Variants in CLDN6 observed in about 807,000 individuals in gnomAD.
CLDN6 encodes the protein claudin-6.
For synonymous variants in CLDN6, 144 were observed against 131.2 expected, an observed-to-expected ratio of 1.10 and a Z score of -0.67; for missense variants, 279 against 284.1, an observed-to-expected ratio of 0.98 and a Z score of 0.13.
rs1434074708 is a variant in CLDN6 at position 3,015,821 on chromosome 16, G to T, written c.201C>A (p.Tyr67Ter). 1 of 1,614,014 alleles carries T rather than the reference G, an allele frequency of 6.2e-7. No homozygotes were observed. The highest frequency in any genetic ancestry group is 8.5e-7 in the Non-Finnish European group (1 of 1,180,048). Residue 67 changes from tyrosine to a stop codon, truncating the protein, a stop_gained, in exon 2 of 2, where the codon TAC becomes TAA. Coordinates refer to ENST00000328796, the MANE Select transcript of CLDN6 (RefSeq NM_021195.5). LOFTEE classifies it low-confidence loss of function (END_TRUNC). ...QSTGQMQCKV[Y>*]DSLLALPQDL... ...CCTGTGGCAGCGCCAGCAGTGAGTC[G>T]TACACCTTGCACTGCATCTGGCCGG...
intron 1 of CLDN6, among the ~76,000 whole-genome samples, chr16:3,016,939 C>G (rs577018032): frequency 5.9e-5 from 9 of 152,080 alleles, no homozygotes; most frequent in Non-Finnish European, 8.8e-5. Context: ...TGAGCCACCA[C>G]ACCTGGTCTT....
chr16:3,015,405 G>C lies in CLDN6; in HGVS notation c.617C>G (p.Ala206Gly), dbSNP rs768615835. 25 of 1,531,264 alleles carry C rather than the reference G, an allele frequency of 1.6e-5. No individual in the cohort carries two copies. The highest frequency in any genetic ancestry group is 2.2e-5 in the Non-Finnish European group (25 of 1,142,064). 94.9% of individuals were successfully genotyped at this position (1,531,264 alleles called of 1,614,324 possible). ...YMARYSTSAP[A>G]ISRGPSEYPT... ...GTACTCAGAGGGCCCCCGAGAGATG[G>C]CAGGGGCAGATGTTGAGTAGCGGGC... Residue 206 changes from alanine to glycine, a missense_variant, in exon 2 of 2, where the codon GCC becomes GGC. Coordinates refer to ENST00000328796, the MANE Select transcript of CLDN6 (RefSeq NM_021195.5).
intron 1 of CLDN6, among the ~76,000 whole-genome samples, chr16:3,016,787 A>G (rs1048428727): frequency 2.6e-5 from 4 of 151,908 alleles, no homozygotes; most frequent in African/African-American, 9.7e-5. Flanking sequence ...AGCTGGGACT[A>G]CAGGCGCTCA....
intron 1 of CLDN6, among the ~76,000 whole-genome samples, chr16:3,016,345 G>A (rs1240251873): frequency 6.6e-6 from 1 of 152,242 alleles, no homozygotes; most frequent in Non-Finnish European, 1.5e-5. Context: ...TACAATGACA[G>A]TCCAAGGCCA....
intron 1 of CLDN6, among the ~76,000 whole-genome samples, chr16:3,016,623 G>A (rs981079298): frequency 1.3e-5 from 2 of 151,238 alleles, no homozygotes; most frequent in African/African-American, 2.4e-5. Flanking sequence ...TGGGATTACA[G>A]GTGCACACCA....
In CLDN6 at chr16:3,015,392, C is replaced by T; in HGVS notation, c.630G>A (p.Gly210=). The change falls in exon 2 of 2, where the codon GGG becomes GGA. Residue 210 remains glycine (G), a synonymous_variant. Transcript: ENST00000328796. ...AATTCTTGGTAGGGTACTCAGAGGG[C>T]CCCCGAGAGATGGCAGGGGCAGATG... ...YSTSAPAISR[G]PSEYPTKNYV The T allele has an allele frequency of 6.5e-7, 1 of 1,527,662 alleles. No individual in the cohort carries two copies. Among genetic ancestry groups the T allele is most frequent in the Non-Finnish European group, 8.8e-7 (1 of 1,140,532 alleles). The allele number at this position is 1,527,662 out of a possible 1,614,324, so 94.6% of individuals were successfully genotyped here. A position where few individuals can be genotyped will look rare whatever the true frequency, so the allele number is the denominator to read the frequency against.
intron 1 of CLDN6, 143 bp from the exon 2 acceptor site, chr16:3,016,185 C>T (rs1371371557): frequency 4.2e-6 from 3 of 717,112 alleles, no homozygotes; most frequent in South Asian, 1.9e-5. Flanking sequence ...CCCTGAGCCT[C>T]ACTTCTCGTG....
chr16:3,017,743 G>A (rs73483528), intron 1 of CLDN6, among the ~76,000 whole-genome samples: 6,132 of 151,954 alleles, frequency 0.04, 368 homozygotes, highest in African/African-American at 0.13. Flanking sequence ...TGCACTGCAT[G>A]AAAAAGACTC....
intron 1 of CLDN6, among the ~76,000 whole-genome samples, chr16:3,016,739 C>T (rs992905136): frequency 1.3e-5 from 2 of 151,880 alleles, no homozygotes; most frequent in African/African-American, 4.8e-5. Context: ...GTTCTGCCTC[C>T]CCGGTTCACG....
chr16:3,016,240 G>A (rs1054959268), intron 1 of CLDN6, among the ~76,000 whole-genome samples, 198 bp from the exon 2 acceptor site: 2 of 152,218 alleles, frequency 1.3e-5, no homozygotes, highest in Non-Finnish European at 2.9e-5. Context: ...ATTCTTTCTA[G>A]TTATGTGACA....
In CLDN6 at chr16:3,014,907, T is replaced by G; in HGVS notation, c.*452A>C. On this transcript the variant is annotated 3_prime_UTR_variant, in exon 2 of 2. Coordinates refer to ENST00000328796, the MANE Select transcript of CLDN6 (RefSeq NM_021195.5). ...AGTTCCGGAGGTGGGCAGTCCTTTG[T>G]TAACAGATCATTTGTTTTTCCAGGG... The G allele has an allele frequency of 7.7e-6, 3 of 387,222 alleles. No homozygotes were observed. The highest frequency in any genetic ancestry group is 1.4e-5 in the Non-Finnish European group (3 of 219,800). The allele number at this position is 387,222 out of a possible 1,614,324, so 24.0% of individuals were successfully genotyped here.
Position 3,015,377 on chromosome 16 carries a change from AGG to A in CLDN6, c.643_644del (p.Pro215TyrfsTer46). 1 of 1,522,314 alleles carries A rather than the reference AGG, an allele frequency of 6.6e-7. No individual in the cohort carries two copies. The highest frequency in any genetic ancestry group is 2.3e-5 in the East Asian group (1 of 44,172). 94.3% of individuals were successfully genotyped at this position (1,522,314 alleles called of 1,614,324 possible). A position where few individuals can be genotyped will look rare whatever the true frequency, so the allele number is the denominator to read the frequency against. On this transcript the variant is annotated frameshift_variant, in exon 2 of 2. Transcript: ENST00000328796. LOFTEE classifies it high-confidence loss of function. ...PAISRGPSEY[P>X]TKNYV ...CTCCACGTCAGACGTAATTCTTGGT[AGG>A]GTACTCAGAGGGCCCCCGAGAGATG... is the stretch of plus-strand genomic sequence containing the variant.
chr16:3,015,232 A>G lies in CLDN6; in HGVS notation c.*127T>C. The G allele has an allele frequency of 1.2e-6, 1 of 805,086 alleles. No individual in the cohort carries two copies. The highest frequency in any genetic ancestry group is 1.9e-6 in the Non-Finnish European group (1 of 525,930). 49.9% of individuals were successfully genotyped at this position (805,086 alleles called of 1,614,324 possible). On this transcript the variant is annotated 3_prime_UTR_variant, in exon 2 of 2. Coordinates refer to ENST00000328796, the MANE Select transcript of CLDN6 (RefSeq NM_021195.5). ...TTGGCTCAGTTTTCAAATGAATTTT[A>G]AATATCCTCAGTCAAAAGAAAAATA... is the stretch of plus-strand genomic sequence containing the variant.
rs2072560026 is a variant in CLDN6, at chr16:3,015,523, C to T, written c.499G>A (p.Gly167Ser). 1 of 1,612,788 alleles carries T rather than the reference C, an allele frequency of 6.2e-7. No homozygotes were observed. The highest frequency in any genetic ancestry group is 8.5e-7 in the Non-Finnish European group (1 of 1,179,802). The part of the protein sequence containing the change: ...KRELGASLYL[G>S]WAASGLLLLG... Reference sequence around the variant, plus strand: ...AACAAAAGGCCTGAGGCCGCCCAGCCCAAGTAGAGGGAGGCCCCCAGCTCC... The same window carrying T: ...AACAAAAGGCCTGAGGCCGCCCAGCTCAAGTAGAGGGAGGCCCCCAGCTCC... Residue 167 changes from glycine (G) to serine (S), a missense_variant, in exon 2 of 2, where the codon GGC (glycine) becomes AGC (serine). Transcript: ENST00000328796.
In CLDN6 at chr16:3,015,916, T is replaced by C; in HGVS notation, c.106A>G (p.Ile36Val). The C allele has an allele frequency of 6.2e-7, 1 of 1,614,246 alleles. No homozygotes were observed. Among genetic ancestry groups the C allele is most frequent in the Non-Finnish European group, 8.5e-7 (1 of 1,180,040 alleles). Residue 36 changes from isoleucine to valine, a missense_variant, in exon 2 of 2, where the codon ATC becomes GTC. By Grantham distance (29) the Ile-to-Val change is conservative (BLOSUM62 3). Coordinates refer to ENST00000328796, the MANE Select transcript of CLDN6 (RefSeq NM_021195.5). ...TGGGCCACCACGATGCTGTTGCCGA[T>C]GAAAGCGGTCACCTTCCACATGGGC... is the stretch of plus-strand genomic sequence containing the variant. ...ALPMWKVTAFIGNSIVVAQVV... is the reference protein window; with the variant it reads ...ALPMWKVTAFVGNSIVVAQVV...
chr16:3,015,146 T>C lies in CLDN6; in HGVS notation c.*213A>G. The C allele has an allele frequency of 6.5e-6, 3 of 463,472 alleles. No individual in the cohort carries two copies. The highest frequency in any genetic ancestry group is 1.1e-5 in the Non-Finnish European group (3 of 265,858). 28.7% of individuals were successfully genotyped at this position (463,472 alleles called of 1,614,324 possible). A position where few individuals can be genotyped will look rare whatever the true frequency, so the allele number is the denominator to read the frequency against. On this transcript the variant is annotated 3_prime_UTR_variant, in exon 2 of 2. Coordinates refer to ENST00000328796, the MANE Select transcript of CLDN6 (RefSeq NM_021195.5). ...TCCAGAATCTCAAAGCATCCCCTCTTTGGCTCCATCATCCAAGGGTGAGAA... is the reference window on the plus strand; with the variant it reads ...TCCAGAATCTCAAAGCATCCCCTCTCTGGCTCCATCATCCAAGGGTGAGAA...
chr16:3,017,163 C>G (rs1319682109), intron 1 of CLDN6, among the ~76,000 whole-genome samples: 1 of 152,142 alleles, frequency 6.6e-6, no homozygotes, highest in Non-Finnish European at 1.5e-5. Flanking sequence ...CAACTTGGTT[C>G]CACACCCCAG....
Position 3,015,545 on chromosome 16 carries a change from C to A in CLDN6, c.477G>T (p.Glu159Asp), listed in dbSNP as rs1400645043. The A allele has an allele frequency of 2.5e-6, 4 of 1,613,032 alleles. No homozygotes were observed. The highest frequency in any genetic ancestry group is 1.7e-5 in the Admixed American group (1 of 60,006). Residue 159 changes from glutamate to aspartate, a missense_variant, in exon 2 of 2, where the codon GAG (glutamate) becomes GAT (aspartate). Glu to Asp is a conservative substitution (Grantham distance 45). Coordinates refer to ENST00000328796, the MANE Select transcript of CLDN6 (RefSeq NM_021195.5). ...NPLVAEAQKR[E>D]LGASLYLGWA... The stretch of plus-strand genomic sequence containing the variant: ...AGCCCAAGTAGAGGGAGGCCCCCAG[C>A]TCCCGCTTTTGGGCCTCAGCCACCA...
intron 1 of CLDN6, among the ~76,000 whole-genome samples, chr16:3,016,772 C>T (rs533707572): frequency 5.3e-5 from 8 of 152,024 alleles, no homozygotes; most frequent in Non-Finnish European, 1.2e-4. Flanking sequence ...CTCAGCCTCC[C>T]GAGTAGCTGG....
Sources: allele counts gnomAD v4.1 joint callset (sites outside exome capture counted in the v4.1 genomes callset), GRCh38; gene constraint gnomAD v4.1.1; transcripts MANE v1.5; gene names NCBI Gene and HGNC (gene_info 2026-07-23, HGNC 2026-07-21).